Variants in CDH12 observed in about 807,000 individuals in gnomAD.
The protein encoded by CDH12 is cadherin 12, also known as cadherin-12.
A neutral mutation model predicts 74.1 loss-of-function variants in CDH12; 41 were observed. The observed-to-expected ratio is 0.55, with a 90% CI of 0.43 to 0.72. CDH12 has a LOEUF of 0.72. Ranked by LOEUF, CDH12 falls within the 30% of genes least tolerant of loss-of-function variation. CDH12 has a pLI of 0.00. For missense variants in CDH12, 945 were observed against 977.2 expected (o/e 0.97, Z 0.44); for synonymous variants, 399 against 355.0 (o/e 1.12, Z -1.39).
intron 3 of CDH12, among the ~76,000 whole-genome samples, chr5:22,233,243 A>G (rs1464026284): frequency 6.6e-6 from 1 of 151,972 alleles, no homozygotes; most frequent in Non-Finnish European, 1.5e-5. Flanking sequence ...AAGAATGGAC[A>G]TATTAACAAT....
At position 22,663,412 on chromosome 5, in the gene CDH12, C is replaced by G. The variant is rs193229310; in HGVS notation, c.-522-158048G>C. 5.5e-4 allele frequency among the ~76,000 whole-genome samples: 84 copies of G among 152,162 alleles called. 1 individual carries two copies. In the East Asian group the frequency reaches 0.015, roughly 27 times the overall value. ...CATTCAACCAGGAGTGATGGAAAACCGTTTATAGCCTAAAAACCCACACAT... is the reference window on the plus strand; with the variant it reads ...CATTCAACCAGGAGTGATGGAAAACGGTTTATAGCCTAAAAACCCACACAT... On this transcript the variant is annotated intron_variant, in intron 1 of 14. Coordinates refer to ENST00000382254, the MANE Select transcript of CDH12 (RefSeq NM_004061.5).
intron 1 of CDH12, among the ~76,000 whole-genome samples, chr5:22,514,259 A>G (rs1038899714): frequency 6.6e-6 from 1 of 152,100 alleles, no homozygotes; most frequent in Non-Finnish European, 1.5e-5. Flanking sequence ...AAAATTAGAA[A>G]AGTCACCAAA....
At chr5:22,653,604 C>T (rs1739855901) in intron 1 of CDH12, among the ~76,000 whole-genome samples, 1 of 152,134 alleles carries the variant, frequency 6.6e-6, no homozygotes. Context: ...CTTCCATTGT[C>T]ATCTCACCCC....
At chr5:22,117,479 T>TA (rs1745208683) in intron 4 of CDH12, among the ~76,000 whole-genome samples, 1 of 55,042 alleles carries the variant, frequency 1.8e-5, no homozygotes, top group African/African-American at 6.8e-5. Flanking sequence ...ATATATATAT[T>TA]ATATATATAT....
chr5:21,929,981 A>T (rs996025774), intron 6 of CDH12, among the ~76,000 whole-genome samples: 1 of 152,206 alleles, frequency 6.6e-6, no homozygotes, highest in African/African-American at 2.4e-5. Context: ...TGAGTATCAG[A>T]TGGTTTTCTG....
intron 2 of CDH12, among the ~76,000 whole-genome samples, chr5:22,439,396 G>A (rs1032224521): frequency 1.3e-5 from 2 of 151,868 alleles, no homozygotes; most frequent in Non-Finnish European, 2.9e-5. Context: ...AATGATTCAG[G>A]GTAAGGAAAC....
intron 3 of CDH12, among the ~76,000 whole-genome samples, chr5:22,324,673 A>G (rs553602380): frequency 6.6e-6 from 1 of 152,074 alleles, no homozygotes; most frequent in East Asian, 1.9e-4. Flanking sequence ...AGAAAAATGT[A>G]TGTATTTATA....
intron 5 of CDH12, among the ~76,000 whole-genome samples, chr5:22,078,209 G>T (rs1289858555): frequency 6.6e-6 from 1 of 151,972 alleles, no homozygotes; most frequent in African/African-American, 2.4e-5. Context: ...AAAATTGAAC[G>T]AAATATATAC....
At chr5:22,729,171 T>C (rs1465493438) in intron 1 of CDH12, among the ~76,000 whole-genome samples, 2 of 151,790 alleles carry the variant, frequency 1.3e-5, no homozygotes, top group Non-Finnish European at 2.9e-5. Flanking sequence ...AGGCAGATCA[T>C]GGCAGGATTT....
At chr5:22,668,140 T>G (rs1411442634) in intron 1 of CDH12, among the ~76,000 whole-genome samples, 5 of 152,186 alleles carry the variant, frequency 3.3e-5, no homozygotes, top group African/African-American at 1.2e-4. Flanking sequence ...TCTTTCTAAT[T>G]TATTTTATTA....
At chr5:22,685,350 G>T (rs1741716682) in intron 1 of CDH12, among the ~76,000 whole-genome samples, 1 of 151,966 alleles carries the variant, frequency 6.6e-6, no homozygotes, top group Admixed American at 6.6e-5. Context: ...TGATTGTCTT[G>T]TCTCAGCCTC....
intron 1 of CDH12, among the ~76,000 whole-genome samples, chr5:22,641,158 G>T (rs764660972): frequency 9.2e-5 from 14 of 152,096 alleles, no homozygotes; most frequent in Non-Finnish European, 1.9e-4. Flanking sequence ...CCTACAAAAG[G>T]CTGTCTGCAA....
At chr5:22,022,690 C>A (rs924868484) in intron 5 of CDH12, among the ~76,000 whole-genome samples, 25 of 151,772 alleles carry the variant, frequency 1.6e-4, no homozygotes, top group African/African-American at 6.1e-4. Flanking sequence ...AATATTAAAG[C>A]CTATATATCT....
intron 4 of CDH12, among the ~76,000 whole-genome samples, chr5:22,109,046 A>G (rs545539356): frequency 6.6e-6 from 1 of 152,346 alleles, no homozygotes; most frequent in East Asian, 1.9e-4. Flanking sequence ...ATAAGAAGAA[A>G]CATCATTAAA....
In CDH12 at chr5:22,825,893, T is replaced by C. The variant is rs115496431; in HGVS notation, c.-523+27165A>G. Among the ~76,000 whole-genome samples the C allele has an allele frequency of 3.8e-3, 586 of 152,284 alleles. 6 individuals are homozygous for C. The highest frequency in any genetic ancestry group is 6.8e-3 in the Middle Eastern group (2 of 294). On this transcript the variant is annotated intron_variant, in intron 1 of 14. Coordinates refer to ENST00000382254, the MANE Select transcript of CDH12 (RefSeq NM_004061.5). ...ATAGAATGGTGGTAACTTGAGTCAG[T>C]GTAGATGCTGATAATTAGTCAGTCT...
chr5:22,351,035 C>T (rs1206883715), intron 3 of CDH12, among the ~76,000 whole-genome samples: 1 of 152,080 alleles, frequency 6.6e-6, no homozygotes, highest in Non-Finnish European at 1.5e-5. Flanking sequence ...CAGGCGGAGT[C>T]AAGCCTTATA....
chr5:22,651,768 C>A (rs1739754163), intron 1 of CDH12, among the ~76,000 whole-genome samples: 1 of 151,256 alleles, frequency 6.6e-6, no homozygotes, highest in African/African-American at 2.4e-5. Context: ...CAAAGATGCC[C>A]AAATCTGAAT....
intron 1 of CDH12, among the ~76,000 whole-genome samples, chr5:22,608,153 C>T (rs1361844555): frequency 1.3e-5 from 2 of 152,082 alleles, no homozygotes; most frequent in Non-Finnish European, 2.9e-5. Flanking sequence ...GCTGCAGACA[C>T]TCAATGCCAG....
chr5:22,371,811 T>C (rs1741303423), intron 3 of CDH12, among the ~76,000 whole-genome samples: 1 of 152,168 alleles, frequency 6.6e-6, no homozygotes, highest in Non-Finnish European at 1.5e-5. Context: ...GGCTAGAGCA[T>C]GGAAAATGAA....
Sources: gnomAD v4.1 joint callset for allele counts (sites outside exome capture counted in the v4.1 genomes callset) on GRCh38, gnomAD v4.1.1 for gene constraint, MANE v1.5 for transcripts, NCBI Gene and HGNC (gene_info 2026-07-23, HGNC 2026-07-21) for gene names.